Variants in CSMD3 observed in about 807,000 individuals in gnomAD.
CSMD3 encodes CUB and sushi domain-containing protein 3.
Under a neutral mutation model 435.2 loss-of-function variants are expected in CSMD3, and 177 were observed. That is an observed-to-expected ratio of 0.41 (90% CI 0.36 to 0.46). The LOEUF (loss-of-function observed/expected upper bound fraction) is 0.46. Among genes scored for constraint, CSMD3 ranks in the 20% least tolerant of loss-of-function variants. CSMD3 has a pLI of 0.34. For synonymous variants in CSMD3, 1,656 were observed against 1,520.5 expected, an observed-to-expected ratio of 1.09 and a Z score of -2.07; for missense variants, 4,265 against 4,504.6, an observed-to-expected ratio of 0.95 and a Z score of 1.52.
chr8:112,635,374 C>T (rs920710076), intron 22 of CSMD3, among the ~76,000 whole-genome samples: 9 of 151,942 alleles, frequency 5.9e-5, no homozygotes, highest in Admixed American at 1.3e-4. Flanking sequence ...CACTCTGTAG[C>T]CCTCACTTGG....
chr8:112,514,553 T>G (rs1823478494), intron 28 of CSMD3, among the ~76,000 whole-genome samples: 1 of 152,132 alleles, frequency 6.6e-6, no homozygotes, highest in Non-Finnish European at 1.5e-5. Flanking sequence ...TCTTTCTATC[T>G]CAAAAGCCCA....
intron 30 of CSMD3, among the ~76,000 whole-genome samples, chr8:112,499,273 A>C (rs1041800670): frequency 6.6e-6 from 1 of 152,176 alleles, no homozygotes; most frequent in Admixed American, 6.5e-5. Flanking sequence ...CCAGAAAAAA[A>C]TGCAACTTAT....
In CSMD3 at chr8:113,202,251, T is replaced by G. The variant is rs538071283; in HGVS notation, c.515-28335A>C. Among the ~76,000 whole-genome samples, 178 of 152,144 alleles carry G rather than the reference T, an allele frequency of 1.2e-3. 1 individual carries two copies. The highest frequency in any genetic ancestry group is 2.4e-3 in the Non-Finnish European group (162 of 68,036). On this transcript the variant is annotated intron_variant, in intron 3 of 70. Coordinates refer to ENST00000297405, the MANE Select transcript of CSMD3 (RefSeq NM_198123.2). ...CTCTTGGAAGTGATTATATAAAATG[T>G]TATTTCTTCTTAGTCTTGCTTGGAT...
intron 4 of CSMD3, among the ~76,000 whole-genome samples, chr8:113,110,660 G>T (rs542567789): frequency 6.6e-6 from 1 of 152,104 alleles, no homozygotes; most frequent in East Asian, 1.9e-4. Context: ...CACCAAGATT[G>T]CCCTTAATGA....
At chr8:112,452,774 C>T (rs1563553979) in intron 32 of CSMD3, among the ~76,000 whole-genome samples, 1 of 152,128 alleles carries the variant, frequency 6.6e-6, no homozygotes, top group African/African-American at 2.4e-5. Context: ...CTAACCTACA[C>T]ATTCTAACAC....
At chr8:112,986,656 A>G (rs1042831130) in intron 6 of CSMD3, among the ~76,000 whole-genome samples, 13 of 152,134 alleles carry the variant, frequency 8.5e-5, no homozygotes, top group African/African-American at 2.9e-4. Flanking sequence ...AATTAAATCC[A>G]TAGATTTACA....
At chr8:113,396,393 A>G (rs2094483735) in intron 1 of CSMD3, among the ~76,000 whole-genome samples, 1 of 152,200 alleles carries the variant, frequency 6.6e-6, no homozygotes, top group Admixed American at 6.5e-5. Context: ...TAAGGCATTT[A>G]CTGGAGTACA....
chr8:112,435,010 A>C (rs538784050), intron 32 of CSMD3, among the ~76,000 whole-genome samples: 4 of 152,188 alleles, frequency 2.6e-5, no homozygotes, highest in Admixed American at 2.0e-4. Flanking sequence ...AGCAAGGTGC[A>C]CTTTGTTTTA....
intron 6 of CSMD3, among the ~76,000 whole-genome samples, chr8:112,982,252 T>C (rs968059921): frequency 6.6e-6 from 1 of 151,884 alleles, no homozygotes; most frequent in African/African-American, 2.4e-5. Flanking sequence ...TTTCACACAA[T>C]ACAAACTGAA....
chr8:112,520,112 T>C (rs1163807450), intron 27 of CSMD3, among the ~76,000 whole-genome samples: 3 of 152,046 alleles, frequency 2.0e-5, no homozygotes, highest in Non-Finnish European at 4.4e-5. Flanking sequence ...TTAAATAGGG[T>C]TCTATTGTTA....
intron 5 of CSMD3, among the ~76,000 whole-genome samples, chr8:113,089,837 T>C (rs1312715077): frequency 6.6e-6 from 1 of 152,070 alleles, no homozygotes; most frequent in Non-Finnish European, 1.5e-5. Context: ...GATATCCTAC[T>C]GTTCTATGCT....
chr8:112,579,952 A>G (rs192304375), intron 23 of CSMD3, among the ~76,000 whole-genome samples: 4 of 152,182 alleles, frequency 2.6e-5, no homozygotes, highest in Admixed American at 2.6e-4. Flanking sequence ...AGACTACACA[A>G]TTGTAACCGT....
intron 38 of CSMD3, among the ~76,000 whole-genome samples, chr8:112,363,718 T>C (rs966831985): frequency 6.6e-5 from 10 of 151,946 alleles, no homozygotes; most frequent in Admixed American, 5.9e-4. Context: ...AAATAAAATA[T>C]GATGGAAATA....
At chr8:112,325,116 T>C (rs2130894702) in intron 45 of CSMD3, among the ~76,000 whole-genome samples, 1 of 152,276 alleles carries the variant, frequency 6.6e-6, no homozygotes, top group South Asian at 2.1e-4. Flanking sequence ...GCATGTGGCC[T>C]ATCATTCTTA....
chr8:112,238,222 A>G (rs113048754), intron 66 of CSMD3, among the ~76,000 whole-genome samples: 1 of 151,884 alleles, frequency 6.6e-6, no homozygotes, highest in African/African-American at 2.4e-5. Flanking sequence ...AAGGTACCCA[A>G]CCCTCTTTGG....
chr8:112,255,485 G>A (rs959945567), intron 61 of CSMD3, 58 bp from the exon 62 acceptor site: 68 of 1,459,790 alleles, frequency 4.7e-5, no homozygotes, highest in Admixed American at 8.5e-5. Flanking sequence ...AGAGTACACA[G>A]TTTGGAAAAA....
chr8:113,434,248 C>T (rs1489357963), intron 1 of CSMD3, among the ~76,000 whole-genome samples: 8 of 152,144 alleles, frequency 5.3e-5, no homozygotes, highest in Non-Finnish European at 7.3e-5. Context: ...TGGACCCTCA[C>T]GCTAGTCTAG....
chr8:112,447,206 C>G (rs972440064), intron 32 of CSMD3, among the ~76,000 whole-genome samples: 1 of 151,848 alleles, frequency 6.6e-6, no homozygotes, highest in Non-Finnish European at 1.5e-5. Flanking sequence ...AGTGATATGT[C>G]AGGTATTTTT....
intron 32 of CSMD3, among the ~76,000 whole-genome samples, chr8:112,410,529 T>TA: frequency 7.0e-6 from 1 of 142,146 alleles, no homozygotes; most frequent in Non-Finnish European, 1.5e-5. Context: ...TGTATATTTG[T>TA]TTTCTAATGG....
Sources: gnomAD v4.1 joint callset for allele counts (sites outside exome capture counted in the v4.1 genomes callset) on GRCh38, gnomAD v4.1.1 for gene constraint, MANE v1.5 for transcripts, NCBI Gene and HGNC (gene_info 2026-07-23, HGNC 2026-07-21) for gene names.